The following CD300E variants were observed in gnomAD, a reference collection of about 807,000 sequenced individuals.
CD300E encodes the protein CD300e molecule.
A neutral mutation model predicts 20.9 loss-of-function variants in CD300E; 14 were observed. The ratio of observed to expected loss-of-function variants is 0.67; its 90% CI spans 0.44 to 1.05. The LOEUF is 1.05. Among genes scored for constraint, CD300E ranks in the 50% least tolerant of loss-of-function variants. The probability of loss-of-function intolerance (pLI) is 0.00; values close to 1 mark genes in which losing one functional copy is unlikely to be tolerated. For missense variants in CD300E, 237 were observed against 253.9 expected (o/e 0.93, Z 0.45); for synonymous variants, 102 against 103.7 (o/e 0.98, Z 0.10).
At chr17:74,617,001 A>G in intron 2 of CD300E, 117 bp downstream of exon 2, 2 of 883,844 alleles carry the variant, frequency 2.3e-6, no homozygotes, top group Admixed American at 2.2e-5. Flanking sequence ...TCCTCCCAAC[A>G]CCACTGTGAC....
At chr17:74,613,838 G>C in intron 3 of CD300E, 87 bp downstream of exon 3, 1 of 756,918 alleles carries the variant, frequency 1.3e-6, no homozygotes, top group Non-Finnish European at 2.3e-6. Context: ...AGACAGTGAC[G>C]ATCTCAGGTC....
At chr17:74,622,953 G>T (rs1216518228) in intron 1 of CD300E, among the ~76,000 whole-genome samples, 15 of 152,102 alleles carry the variant, frequency 9.9e-5, no homozygotes, top group Non-Finnish European at 2.1e-4. Context: ...GGCCAGGCTG[G>T]TCTCAAACTC....
At chr17:74,619,107 C>T (rs1447476065) in intron 1 of CD300E, 1 of 471,402 alleles carries the variant, frequency 2.1e-6, no homozygotes. Context: ...CTCCTCCCTT[C>T]CACCTGCCCC....
Position 74,610,984 on chromosome 17 carries a change from T to C in CD300E, c.*1669A>G, listed in dbSNP as rs2030763575. 6.6e-6 allele frequency: 1 copy of C among 152,390 alleles called. No individual in the cohort carries two copies. Among genetic ancestry groups the C allele is most frequent in the Non-Finnish European group, 1.5e-5 (1 of 68,088 alleles). The allele number at this position is 152,390 out of a possible 1,614,324, so 9.4% of individuals were successfully genotyped here. On this transcript the variant is annotated 3_prime_UTR_variant, in exon 4 of 4. Transcript: ENST00000392619. ...TTCAACATCAACATGAATGTCACCT[T>C]CTTTCCCTGACCTGGCCAGCTTGGC...
At chr17:74,618,619 C>T (rs1393403256) in intron 1 of CD300E, among the ~76,000 whole-genome samples, 1 of 152,160 alleles carries the variant, frequency 6.6e-6, no homozygotes, top group African/African-American at 2.4e-5. Flanking sequence ...CCCTCCCCTC[C>T]TCCCACCATC....
In CD300E at chr17:74,614,086, C is replaced by A. The variant is rs1174973901; in HGVS notation, c.389-53G>T. 8 of 1,344,258 alleles carry A rather than the reference C, an allele frequency of 6.0e-6. No homozygotes were observed. In the Admixed American group the frequency reaches 1.4e-4, roughly 23 times the overall value. 83.3% of individuals were successfully genotyped at this position (1,344,258 alleles called of 1,614,324 possible). On this transcript the variant is annotated intron_variant, in intron 2 of 3. Transcript: ENST00000392619. ...CCGTGCCTGGGCTCCCAGCCATGCA[C>A]AGAACACCCGTATGGATGTCATACA... is the stretch of plus-strand genomic sequence containing the variant.
rs2030786663 is a variant in CD300E, at chr17:74,611,957, A to G, written c.*696T>C. The G allele has an allele frequency of 6.6e-6, 1 of 152,348 alleles. No homozygotes were observed. Among genetic ancestry groups the G allele is most frequent in the South Asian group, 2.1e-4 (1 of 4,836 alleles). 9.4% of individuals were successfully genotyped at this position (152,348 alleles called of 1,614,324 possible). A position where few individuals can be genotyped will look rare whatever the true frequency, so the allele number is the denominator to read the frequency against. On this transcript the variant is annotated 3_prime_UTR_variant, in exon 4 of 4. Transcript: ENST00000392619. The stretch of plus-strand genomic sequence containing the variant: ...GAGAGGAGCCCTGAGCATGTGGGAC[A>G]CTGGGCAACTGCATGAGCAAGCTCT...
rs549764378 is a variant in CD300E at position 74,617,093 on chromosome 17, C to A, written c.388+25G>T. ...TTGTCCAGTCGCACCCCAAACCCTG[C>A]TGCCAAAGTGAGGGGAGCTCTTACC... On this transcript the variant is annotated intron_variant, in intron 2 of 3. Transcript: ENST00000392619. The A allele has an allele frequency of 6.9e-6, 11 of 1,603,960 alleles. No individual in the cohort carries two copies. The South Asian group carries it at 1.1e-4, about 16-fold the overall frequency.
intron 1 of CD300E, among the ~76,000 whole-genome samples, chr17:74,620,925 C>T (rs746287248): frequency 3.3e-5 from 5 of 151,936 alleles, no homozygotes; most frequent in Non-Finnish European, 7.4e-5. Flanking sequence ...CGCCTGTAAC[C>T]CCAGCTACTC....
rs948220979 is a variant in CD300E at position 74,612,469 on chromosome 17, C to G, written c.*184G>C. 10 of 670,646 alleles carry G rather than the reference C, an allele frequency of 1.5e-5. No individual in the cohort carries two copies. The highest frequency in any genetic ancestry group is 1.3e-4 in the African/African-American group (7 of 54,428). The allele number at this position is 670,646 out of a possible 1,614,324, so 41.5% of individuals were successfully genotyped here. Reference sequence around the variant, plus strand: ...GGGACTGGGGAGGAGAAAGGAGGACCCCCAAGCTGCACATTGAGGACTCCA... The same window carrying G: ...GGGACTGGGGAGGAGAAAGGAGGACGCCCAAGCTGCACATTGAGGACTCCA... On this transcript the variant is annotated 3_prime_UTR_variant, in exon 4 of 4. Transcript: ENST00000392619.
rs2030926802 is a variant in CD300E, at chr17:74,617,374, T to A, written c.132A>T (p.Gly44=). Residue 44 remains glycine (G), a synonymous_variant, in exon 2 of 4, where the codon GGA becomes GGT. Coordinates refer to ENST00000392619, the MANE Select transcript of CD300E (RefSeq NM_181449.3). ...GTCCTCGGCACCAGTACTTGTTATA[T>A]CCCTTGTACATGCTCTCATACTGAC... ...VWCQYESMYK[G]YNKYWCRGQY... 6.2e-7 allele frequency: 1 copy of A among 1,614,134 alleles called. No individual in the cohort carries two copies. The highest frequency in any genetic ancestry group is 8.5e-7 in the Non-Finnish European group (1 of 1,180,034).
At chr17:74,614,225 A>C (rs1187119530) in intron 2 of CD300E, among the ~76,000 whole-genome samples, 192 bp from the exon 3 acceptor site, 1 of 152,110 alleles carries the variant, frequency 6.6e-6, no homozygotes, top group African/African-American at 2.4e-5. Flanking sequence ...CAGCCATGAG[A>C]GTCCCCTCCA....
chr17:74,621,292 T>C (rs2031016571), intron 1 of CD300E, among the ~76,000 whole-genome samples: 1 of 152,108 alleles, frequency 6.6e-6, no homozygotes, highest in Non-Finnish European at 1.5e-5. Context: ...TTGATAACAT[T>C]CTAGTTCATG....
rs1263240396 is a variant in CD300E, at chr17:74,612,355, A to T, written c.*298T>A. 3 of 230,906 alleles carry T rather than the reference A, an allele frequency of 1.3e-5. No homozygotes were observed. The highest frequency in any genetic ancestry group is 1.0e-4 in the Admixed American group (2 of 19,612). The allele number at this position is 230,906 out of a possible 1,614,324, so 14.3% of individuals were successfully genotyped here. A position where few individuals can be genotyped will look rare whatever the true frequency, so the allele number is the denominator to read the frequency against. On this transcript the variant is annotated 3_prime_UTR_variant, in exon 4 of 4. Transcript: ENST00000392619. ...CCGATCCTCCTGCCTCAGCCTCCTG[A>T]GCTGGGATTATAGGCACTCGCTATG...
At position 74,613,972 on chromosome 17, in the gene CD300E, G is replaced by T. The variant is rs771901077; in HGVS notation, c.450C>A (p.Asn150Lys). Reference sequence around the variant, plus strand: ...CCCCGGTGCTGAGGTTTCGCCCAGGGTTCACCACCAGGAAGATGGGAGGTG... The same window carrying T: ...CCCCGGTGCTGAGGTTTCGCCCAGGTTTCACCACCAGGAAGATGGGAGGTG... ...PATPPIFLVV[N>K]PGRNLSTGEV... Residue 150 changes from asparagine (N) to lysine (K), a missense_variant, in exon 3 of 4, where the codon AAC becomes AAA. Transcript: ENST00000392619. 78 of 1,613,880 alleles carry T rather than the reference G, an allele frequency of 4.8e-5. No individual in the cohort carries two copies. In the Admixed American group the frequency reaches 5.3e-4, roughly 11 times the overall value.
intron 2 of CD300E, 46 bp from the exon 3 acceptor site, chr17:74,614,079 C>G: frequency 6.9e-7 from 1 of 1,441,404 alleles, no homozygotes; most frequent in Non-Finnish European, 9.7e-7. Flanking sequence ...GGGCTCCCAG[C>G]CATGCACAGA....
rs561246718 is a variant in CD300E at position 74,615,022 on chromosome 17, G to A, written c.389-989C>T. Among the ~76,000 whole-genome samples, 60 of 152,316 alleles carry A rather than the reference G, an allele frequency of 3.9e-4. 1 individual carries two copies. The South Asian group carries it at 9.7e-3, about 25-fold the overall frequency. ...TCAACCTCTCTGTTGCTGGAGATTC[G>A]TTGATGGACGTGGCATGAGCCCCAC... is the stretch of plus-strand genomic sequence containing the variant. On this transcript the variant is annotated intron_variant, in intron 2 of 3. Transcript: ENST00000392619.
rs940532790 is a variant in CD300E, at chr17:74,618,589, C to T, written c.41-1124G>A. The stretch of plus-strand genomic sequence containing the variant: ...TGATTGAGGATGGAGGAGCCCCTGA[C>T]TTCTGGCTTTCATTCATTTCCCTCC... On this transcript the variant is annotated intron_variant, in intron 1 of 3. Transcript: ENST00000392619. 2.0e-5 allele frequency among the ~76,000 whole-genome samples: 3 copies of T among 152,238 alleles called. No homozygotes were observed. The South Asian group carries it at 6.2e-4, about 32-fold the overall frequency.
chr17:74,619,757 T>C (rs1366872780), intron 1 of CD300E, among the ~76,000 whole-genome samples: 2 of 152,210 alleles, frequency 1.3e-5, no homozygotes, highest in African/African-American at 4.8e-5. Flanking sequence ...CAGGTCTCTA[T>C]TGGGTAAATC....
Sources: gnomAD v4.1 joint callset for allele counts (sites outside exome capture counted in the v4.1 genomes callset) on GRCh38, gnomAD v4.1.1 for gene constraint, MANE v1.5 for transcripts, NCBI Gene and HGNC (gene_info 2026-07-23, HGNC 2026-07-21) for gene names.